C19orf47: variants seen among roughly 807,000 people sequenced by gnomAD.
C19orf47 encodes uncharacterized protein C19orf47.
C19orf47 carries 18 observed loss-of-function variants against 32.3 expected under a neutral mutation model. That is an observed-to-expected ratio of 0.56 (90% CI 0.39 to 0.83). The LOEUF (loss-of-function observed/expected upper bound fraction) is 0.83, where lower values mean the gene tolerates loss of function less well. Ranked by LOEUF, C19orf47 falls within the 40% of genes least tolerant of loss-of-function variation. The pLI, the probability that C19orf47 is intolerant of heterozygous loss-of-function variation, is 0.00. For missense variants in C19orf47, 484 were observed against 531.6 expected, an observed-to-expected ratio of 0.91 and a Z score of 0.88; for synonymous variants, 202 against 211.1, an observed-to-expected ratio of 0.96 and a Z score of 0.37.
At chr19:40,328,099 G>A (rs147467611) in intron 6 of C19orf47, among the ~76,000 whole-genome samples, 40 of 152,232 alleles carry the variant, frequency 2.6e-4, no homozygotes, top group African/African-American at 8.9e-4. Context: ...TAGGGGGCTC[G>A]GTGAAGACCT....
At chr19:40,309,705 A>G in the C19orf47 span, among the ~76,000 whole-genome samples, 1 of 151,852 alleles carries the variant, frequency 6.6e-6, no homozygotes, top group Non-Finnish European at 1.5e-5. Flanking sequence ...AAAAAAGAAT[A>G]TGCAACAAAA....
chr19:40,321,509 C>G lies in C19orf47; in HGVS notation c.*373G>C. On this transcript the variant is annotated 3_prime_UTR_variant, in exon 9 of 9. Transcript: ENST00000683109. ...GTGACACCCACTTAGTTGAGGGGGA[C>G]AGGGAGGCTGATGAGCTGGGGTCTG... is the stretch of plus-strand genomic sequence containing the variant. 1 of 1,034,948 alleles carries G rather than the reference C, an allele frequency of 9.7e-7. No homozygotes were observed. The highest frequency in any genetic ancestry group is 1.2e-6 in the Non-Finnish European group (1 of 860,518). The allele number at this position is 1,034,948 out of a possible 1,614,324, so 64.1% of individuals were successfully genotyped here.
At chr19:40,325,924 G>A (rs914642555) in intron 7 of C19orf47, among the ~76,000 whole-genome samples, 23 of 152,132 alleles carry the variant, frequency 1.5e-4, no homozygotes, top group African/African-American at 5.1e-4. Flanking sequence ...ACAGGTGTGC[G>A]TCACCACACC....
intron 5 of C19orf47, among the ~76,000 whole-genome samples, chr19:40,329,850 TA>T (rs1488351600): frequency 6.6e-6 from 1 of 152,192 alleles, no homozygotes; most frequent in African/African-American, 2.4e-5. Flanking sequence ...CTGAGTGCAA[TA>T]GGATCAGGAT....
At chr19:40,310,024 C>T in the C19orf47 span, among the ~76,000 whole-genome samples, 1 of 151,976 alleles carries the variant, frequency 6.6e-6, no homozygotes. Flanking sequence ...GGGTATATAC[C>T]CAAGAGAATT....
chr19:40,299,977 C>A, the C19orf47 span, among the ~76,000 whole-genome samples: 3 of 151,592 alleles, frequency 2.0e-5, no homozygotes, highest in African/African-American at 7.3e-5. Context: ...TGCAGAGAGC[C>A]GAGATCGCAC....
chr19:40,324,213 T>C (rs1211885067), intron 7 of C19orf47, 137 bp from the exon 8 acceptor site: 4 of 809,506 alleles, frequency 4.9e-6, no homozygotes, highest in African/African-American at 1.7e-5. Flanking sequence ...TTGGGTGTTA[T>C]GTCTACACTG....
At chr19:40,337,289 A>G (rs750247614) in intron 2 of C19orf47, among the ~76,000 whole-genome samples, 2 of 13,008 alleles carry the variant, frequency 1.5e-4, no homozygotes, top group Non-Finnish European at 3.1e-4. Context: ...CATGACAGCA[A>G]TTATTATTAT....
chr19:40,302,287 C>T, the C19orf47 span, among the ~76,000 whole-genome samples: 1 of 152,100 alleles, frequency 6.6e-6, no homozygotes. Context: ...TTCCTTGAAA[C>T]AGGGTCTTGC....
chr19:40,326,492 G>A lies in C19orf47; in HGVS notation c.440-6C>T, dbSNP rs189153546. Reference sequence around the variant, plus strand: ...CTCCCGGCGGGCCAGGGCTGCTGGGGGAAGAAAGCAGGGGTATCAGCACTC... The same window carrying A: ...CTCCCGGCGGGCCAGGGCTGCTGGGAGAAGAAAGCAGGGGTATCAGCACTC... On this transcript the variant is annotated splice_polypyrimidine_tract_variant and splice_region_variant and intron_variant, in intron 6 of 8. Transcript: ENST00000683109. The A allele has an allele frequency of 3.7e-3, 6,032 of 1,611,598 alleles. 22 individuals are homozygous for A. Among genetic ancestry groups the A allele is most frequent in the Non-Finnish European group, 4.6e-3 (5,450 of 1,179,886 alleles).
At chr19:40,316,497 G>A (rs774916530), downstream of C19orf47, among the ~76,000 whole-genome samples, 2 of 152,156 alleles carry the variant, frequency 1.3e-5, no homozygotes, top group Admixed American at 6.5e-5. Context: ...CTCAGGATTC[G>A]ACAAGTCCAA....
intron 5 of C19orf47, among the ~76,000 whole-genome samples, chr19:40,329,515 G>A (rs549567985): frequency 6.6e-6 from 1 of 152,044 alleles, no homozygotes; most frequent in East Asian, 1.9e-4. Flanking sequence ...CAAAAACAGG[G>A]GGGAAAAAGA....
At chr19:40,306,980 G>T in the C19orf47 span, among the ~76,000 whole-genome samples, 2 of 150,694 alleles carry the variant, frequency 1.3e-5, no homozygotes, top group Non-Finnish European at 2.9e-5. Context: ...TAGTAGAGAC[G>T]GGGTTTCACC....
Position 40,320,200 on chromosome 19 carries a change from G to A in C19orf47, c.*1682C>T. 6.4e-6 allele frequency: 1 copy of A among 155,298 alleles called. No homozygotes were observed. The highest frequency in any genetic ancestry group is 1.9e-4 in the South Asian group (1 of 5,130). 9.6% of individuals were successfully genotyped at this position (155,298 alleles called of 1,614,324 possible). On this transcript the variant is annotated 3_prime_UTR_variant, in exon 9 of 9. Coordinates refer to ENST00000683109, the MANE Select transcript of C19orf47 (RefSeq NM_001256441.2). ...ATCCTGGCTTCCTGCCTGGACTGCT[G>A]CAGTGGCATCCACCCCAGCCCTCCC...
At chr19:40,303,006 C>T in the C19orf47 span, among the ~76,000 whole-genome samples, 352 of 152,186 alleles carry the variant, frequency 2.3e-3, no homozygotes, top group African/African-American at 7.6e-3. Context: ...TTTGGAAGGC[C>T]GGGGTGGGAA....
At chr19:40,338,302 T>C (rs1391643522) in intron 2 of C19orf47, among the ~76,000 whole-genome samples, 2 of 149,116 alleles carry the variant, frequency 1.3e-5, no homozygotes, top group African/African-American at 5.0e-5. Flanking sequence ...AATATATATA[T>C]ATACACATAT....
At chr19:40,304,151 A>G in the C19orf47 span, among the ~76,000 whole-genome samples, 18 of 152,090 alleles carry the variant, frequency 1.2e-4, no homozygotes, top group Non-Finnish European at 2.5e-4. Flanking sequence ...CTATTCAAAC[A>G]CTAATCTGAT....
chr19:40,344,428 G>A (rs926234203), intron 1 of C19orf47, among the ~76,000 whole-genome samples: 13 of 151,448 alleles, frequency 8.6e-5, no homozygotes, highest in African/African-American at 1.7e-4. Flanking sequence ...GCAGTGGGCC[G>A]AGATCACACC....
Position 40,333,910 on chromosome 19 carries a change from G to A in C19orf47, c.242C>T (p.Thr81Ile). 1 of 1,574,430 alleles carries A rather than the reference G, an allele frequency of 6.4e-7. No homozygotes were observed. Among genetic ancestry groups the A allele is most frequent in the Middle Eastern group, 1.7e-4 (1 of 6,014 alleles). Residue 81 changes from threonine (T) to isoleucine (I), a missense_variant, in exon 5 of 9, where the codon ACT (threonine) becomes ATT (isoleucine). Thr to Ile is a moderately conservative substitution (Grantham distance 89). This residue lies in a region of C19orf47 where 376 missense variants were observed against 370.2 expected (regional missense o/e 1.02). Transcript: ENST00000683109. ...GCTAGGGCTGCAGGGTACTGACTCAGTGGCAGCTTTGCACATGTCCTGTGA... is the reference window on the plus strand; with the variant it reads ...GCTAGGGCTGCAGGGTACTGACTCAATGGCAGCTTTGCACATGTCCTGTGA... ...VHRQDMCKAA[T>I]ESVPCSPSPL...
Sources: allele counts gnomAD v4.1 joint callset (sites outside exome capture counted in the v4.1 genomes callset), GRCh38; gene constraint gnomAD v4.1.1; regional missense constraint gnomAD v4.1.1; transcripts MANE v1.5; gene names NCBI Gene and HGNC (gene_info 2026-07-23, HGNC 2026-07-21).